GASK1B: variants seen among roughly 807,000 people sequenced by gnomAD.
GASK1B encodes the protein Golgi-associated kinase 1B.
GASK1B carries 34 observed loss-of-function variants against 42.8 expected under a neutral mutation model. The observed-to-expected ratio is 0.79, with a 90% confidence interval of 0.60 to 1.06. The LOEUF (loss-of-function observed/expected upper bound fraction) is 1.06, where lower values mean the gene tolerates loss of function less well. GASK1B is among the 50% of genes least tolerant of loss of function. The pLI is 0.00. For synonymous variants in GASK1B, 262 were observed against 259.1 expected, an observed-to-expected ratio of 1.01 and a Z score of -0.11; for missense variants, 686 against 661.0, an observed-to-expected ratio of 1.04 and a Z score of -0.42.
chr4:158,149,171 T>G (rs765264326), intron 3 of GASK1B, among the ~76,000 whole-genome samples: 9 of 152,216 alleles, frequency 5.9e-5, no homozygotes, highest in Non-Finnish European at 1.3e-4. Flanking sequence ...TATGGCAAAG[T>G]GCTCTTCTCT....
chr4:158,163,124 T>C (rs1023841564), intron 2 of GASK1B, among the ~76,000 whole-genome samples: 1 of 152,254 alleles, frequency 6.6e-6, no homozygotes, highest in Non-Finnish European at 1.5e-5. Context: ...TATTATCCAC[T>C]ATAAGCTCCA....
In GASK1B at chr4:158,126,647, T is replaced by C. The variant is rs994333065; in HGVS notation, c.*760A>G. 6.6e-6 allele frequency: 1 copy of C among 152,096 alleles called. No homozygotes were observed. The highest frequency in any genetic ancestry group is 1.5e-5 in the Non-Finnish European group (1 of 68,008). 9.4% of individuals were successfully genotyped at this position (152,096 alleles called of 1,614,324 possible). On this transcript the variant is annotated 3_prime_UTR_variant, in exon 5 of 5. Transcript: ENST00000585682. ...ATTTTCAGATAGGTAACTTCATACT[T>C]TAGAATTATTTAATTTCTCAGCCAC...
rs1229585701 is a variant in GASK1B at position 158,126,502 on chromosome 4, G to C, written c.*905C>G. ...AAATCAAATTAAATATAAGTACATA[G>C]AACAAATTTTAAGGAATTCACTATT... On this transcript the variant is annotated 3_prime_UTR_variant, in exon 5 of 5. Coordinates refer to ENST00000585682, the MANE Select transcript of GASK1B (RefSeq NM_001128424.2). The C allele has an allele frequency of 5.9e-5, 9 of 151,780 alleles. No individual in the cohort carries two copies. Among genetic ancestry groups the C allele is most frequent in the African/African-American group, 2.2e-4 (9 of 41,342 alleles). The allele number at this position is 151,780 out of a possible 1,614,324, so 9.4% of individuals were successfully genotyped here. A position where few individuals can be genotyped will look rare whatever the true frequency, so the allele number is the denominator to read the frequency against.
intron 3 of GASK1B, among the ~76,000 whole-genome samples, chr4:158,135,817 A>AC (rs1730868314): frequency 6.6e-6 from 1 of 152,188 alleles, no homozygotes; most frequent in Non-Finnish European, 1.5e-5. Flanking sequence ...CTCATGAAGG[A>AC]GATGACATTA....
chr4:158,147,148 G>T (rs963126132), intron 3 of GASK1B, among the ~76,000 whole-genome samples: 1 of 152,148 alleles, frequency 6.6e-6, no homozygotes, highest in African/African-American at 2.4e-5. Flanking sequence ...TTTAAATGAA[G>T]CATTTATTCT....
chr4:158,164,414 G>C (rs1579047476), intron 2 of GASK1B, among the ~76,000 whole-genome samples: 2 of 152,150 alleles, frequency 1.3e-5, no homozygotes. Context: ...AGGTTGCCCG[G>C]TTCCCCGTTT....
chr4:158,127,519 T>C lies in GASK1B; in HGVS notation c.1448A>G (p.Gln483Arg), dbSNP rs564358793. 5.0e-6 allele frequency: 8 copies of C among 1,613,822 alleles called. No homozygotes were observed. In the East Asian group the frequency reaches 1.1e-4, roughly 22 times the overall value. ...LFLDKVYWES[Q>R]GGRQGIEKLI... The stretch of plus-strand genomic sequence containing the variant: ...CTTTTCAATTCCTTGTCTACCTCCT[T>C]GACTTTCCCAATACACTTTATCAAG... The change falls in exon 5 of 5, where the codon CAA becomes CGA. Residue 483 changes from glutamine to arginine, a missense_variant. Physicochemically the swap from Gln to Arg is conservative, Grantham distance 43. Coordinates refer to ENST00000585682, the MANE Select transcript of GASK1B (RefSeq NM_001128424.2).
chr4:158,138,068 T>C (rs1007286736), intron 3 of GASK1B, among the ~76,000 whole-genome samples: 3 of 152,194 alleles, frequency 2.0e-5, no homozygotes, highest in Non-Finnish European at 4.4e-5. Flanking sequence ...TGACACGTAA[T>C]GACACAGTAT....
At chr4:158,168,761 A>G (rs1007025622) in intron 2 of GASK1B, 4 of 152,122 alleles carry the variant, frequency 2.6e-5, no homozygotes, top group African/African-American at 9.7e-5. Context: ...CAAAGGACAT[A>G]TCAGAGAACT....
chr4:158,141,393 G>A (rs533283464), intron 3 of GASK1B, among the ~76,000 whole-genome samples: 12 of 151,376 alleles, frequency 7.9e-5, no homozygotes, highest in African/African-American at 2.4e-4. Context: ...TTTGGTTATT[G>A]AGGACAGGTA....
At chr4:158,141,768 G>C (rs1358234102) in intron 3 of GASK1B, among the ~76,000 whole-genome samples, 7 of 150,570 alleles carry the variant, frequency 4.6e-5, no homozygotes, top group Admixed American at 4.6e-4. Flanking sequence ...CACCACGCCA[G>C]ACTAATTTTT....
intron 3 of GASK1B, among the ~76,000 whole-genome samples, chr4:158,133,825 A>T (rs921144285): frequency 4.6e-5 from 7 of 152,230 alleles, no homozygotes; most frequent in Non-Finnish European, 8.8e-5. Flanking sequence ...GTGTGCATTC[A>T]GCCCAACTTC....
chr4:158,165,901 G>C (rs1732212839), intron 2 of GASK1B, among the ~76,000 whole-genome samples: 1 of 152,030 alleles, frequency 6.6e-6, no homozygotes, highest in Admixed American at 6.5e-5. Context: ...ATGTATAATA[G>C]ACAACACACA....
chr4:158,162,022 T>C (rs1381749504), intron 2 of GASK1B, among the ~76,000 whole-genome samples: 1 of 152,196 alleles, frequency 6.6e-6, no homozygotes, highest in Non-Finnish European at 1.5e-5. Flanking sequence ...TTTTCCGAAC[T>C]ATTTGCAATT....
chr4:158,151,095 C>T (rs76770656), intron 3 of GASK1B, among the ~76,000 whole-genome samples: 1,673 of 152,128 alleles, frequency 0.011, 34 homozygotes, highest in African/African-American at 0.038. Context: ...AATGCAACAA[C>T]GGAAAAGTTT....
chr4:158,133,727 T>C (rs916932253), intron 3 of GASK1B, among the ~76,000 whole-genome samples: 1 of 152,254 alleles, frequency 6.6e-6, no homozygotes, highest in African/African-American at 2.4e-5. Context: ...TAATTTTGAA[T>C]CACTCAACTG....
At chr4:158,135,396 TA>T (rs1730849801) in intron 3 of GASK1B, among the ~76,000 whole-genome samples, 1 of 150,176 alleles carries the variant, frequency 6.7e-6, no homozygotes, top group Non-Finnish European at 1.5e-5. Context: ...ATATTAATAA[TA>T]AAAATATTAA....
intron 3 of GASK1B, among the ~76,000 whole-genome samples, chr4:158,146,992 A>G (rs1731354722): frequency 6.6e-6 from 1 of 152,184 alleles, no homozygotes; most frequent in Admixed American, 6.5e-5. Flanking sequence ...AAACAAAAAG[A>G]ATGCTGTGTA....
At position 158,124,639 on chromosome 4, in the gene GASK1B, T is replaced by C. The variant is rs1658117652; in HGVS notation, c.*2768A>G. 1 of 152,192 alleles carries C rather than the reference T, an allele frequency of 6.6e-6. No individual in the cohort carries two copies. Among genetic ancestry groups the C allele is most frequent in the African/African-American group, 2.4e-5 (1 of 41,468 alleles). 9.4% of individuals were successfully genotyped at this position (152,192 alleles called of 1,614,324 possible). A position where few individuals can be genotyped will look rare whatever the true frequency, so the allele number is the denominator to read the frequency against. On this transcript the variant is annotated 3_prime_UTR_variant, in exon 5 of 5. Coordinates refer to ENST00000585682, the MANE Select transcript of GASK1B (RefSeq NM_001128424.2). ...TATGTATAAGGTAAAGTATATTTAA[T>C]GGCACAGTAGAATAAACAGGCTATG...
Sources: allele counts gnomAD v4.1 joint callset (sites outside exome capture counted in the v4.1 genomes callset), GRCh38; gene constraint gnomAD v4.1.1; transcripts MANE v1.5; gene names NCBI Gene and HGNC (gene_info 2026-07-23, HGNC 2026-07-21).